Variants in TAF3 observed in about 807,000 individuals in gnomAD.
TAF3 encodes the protein TATA-box binding protein associated factor 3.
Under a neutral mutation model 80.6 loss-of-function variants are expected in TAF3, and 7 were observed. The observed-to-expected ratio is 0.09, with a 90% confidence interval of 0.05 to 0.16. TAF3 has a LOEUF of 0.16. Ranked by LOEUF, TAF3 falls within the 10% of genes least tolerant of loss-of-function variation. The pLI, the probability that TAF3 is intolerant of heterozygous loss-of-function variation, is 1.00. For synonymous variants in TAF3, 444 were observed against 446.1 expected (o/e 1.00, Z 0.06); for missense variants, 921 against 1,140.2 (o/e 0.81, Z 2.77).
At chr10:7,980,831 C>G (rs1831719232) in intron 4 of TAF3, among the ~76,000 whole-genome samples, 1 of 152,112 alleles carries the variant, frequency 6.6e-6, no homozygotes, top group Non-Finnish European at 1.5e-5. Flanking sequence ...CCATGGAGGC[C>G]AGGGCAGGTG....
At chr10:7,916,323 G>A (rs1410815604) in intron 2 of TAF3, among the ~76,000 whole-genome samples, 1 of 152,182 alleles carries the variant, frequency 6.6e-6, no homozygotes, top group African/African-American at 2.4e-5. Context: ...TTATACAAAA[G>A]TAGAATGAAT....
chr10:7,919,027 G>T (rs10905250), intron 2 of TAF3, among the ~76,000 whole-genome samples: 53,277 of 151,914 alleles, frequency 0.35, 10,461 homozygotes, highest in Admixed American at 0.48. Context: ...TAACAGGAAG[G>T]TGAAGGGAAC....
intron 4 of TAF3, among the ~76,000 whole-genome samples, chr10:7,989,048 G>A (rs902362444): frequency 2.0e-5 from 3 of 151,882 alleles, no homozygotes; most frequent in Non-Finnish European, 2.9e-5. Flanking sequence ...ACTTAGCTTT[G>A]CCCCAAGTGG....
intron 2 of TAF3, among the ~76,000 whole-genome samples, chr10:7,940,974 A>G (rs1023818585): frequency 6.6e-6 from 1 of 152,106 alleles, no homozygotes; most frequent in Admixed American, 6.5e-5. Flanking sequence ...AGAAAAAAAA[A>G]AAGAAGAAAA....
intron 2 of TAF3, among the ~76,000 whole-genome samples, chr10:7,912,338 G>A (rs956890610): frequency 2.0e-5 from 3 of 152,042 alleles, no homozygotes; most frequent in African/African-American, 4.8e-5. Context: ...GGGCTCAAGC[G>A]ATCATTCTGC....
chr10:7,861,700 C>G (rs926145236), intron 2 of TAF3, among the ~76,000 whole-genome samples: 18 of 152,070 alleles, frequency 1.2e-4, no homozygotes, highest in African/African-American at 4.1e-4. Flanking sequence ...ATCTCATGTG[C>G]TGTTTTTCTG....
chr10:7,898,297 AG>A (rs1232444528), intron 2 of TAF3, among the ~76,000 whole-genome samples: 1 of 152,136 alleles, frequency 6.6e-6, no homozygotes, highest in East Asian at 1.9e-4. Flanking sequence ...TTGTAATCCC[AG>A]CACTTTGGGA....
chr10:7,940,944 G>A (rs1342915121), intron 2 of TAF3, among the ~76,000 whole-genome samples: 1 of 151,010 alleles, frequency 6.6e-6, no homozygotes, highest in Admixed American at 6.6e-5. Context: ...GGAAGACAGA[G>A]CAAGACCCTG....
At chr10:7,977,132 A>T in intron 3 of TAF3, 109 bp from the exon 4 acceptor site, 2 of 996,166 alleles carry the variant, frequency 2.0e-6, no homozygotes, top group Non-Finnish European at 3.1e-6. Context: ...AGCCATATTT[A>T]AGGCTTCAAC....
chr10:7,987,191 A>T (rs1831787106), intron 4 of TAF3, among the ~76,000 whole-genome samples: 2 of 152,222 alleles, frequency 1.3e-5, no homozygotes, highest in South Asian at 2.1e-4. Context: ...GTATGGTGGC[A>T]TGTGCCTTTA....
At chr10:7,826,087 A>T (rs1432446344) in intron 2 of TAF3, among the ~76,000 whole-genome samples, 1 of 152,186 alleles carries the variant, frequency 6.6e-6, no homozygotes, top group Non-Finnish European at 1.5e-5. Context: ...AAGTTGTTGT[A>T]CAGTCTGTGT....
chr10:7,884,964 C>T (rs762414645), intron 2 of TAF3, among the ~76,000 whole-genome samples: 3 of 151,382 alleles, frequency 2.0e-5, no homozygotes, highest in African/African-American at 4.8e-5. Context: ...CTAACCCATA[C>T]CAATATATCT....
At chr10:7,826,505 A>T (rs1483949041) in intron 2 of TAF3, among the ~76,000 whole-genome samples, 1 of 152,110 alleles carries the variant, frequency 6.6e-6, no homozygotes, top group Non-Finnish European at 1.5e-5. Context: ...ATATTACTAT[A>T]GATTTTTGGG....
chr10:7,933,818 G>C (rs1837891553), intron 2 of TAF3, among the ~76,000 whole-genome samples: 1 of 152,190 alleles, frequency 6.6e-6, no homozygotes, highest in Non-Finnish European at 1.5e-5. Flanking sequence ...TCTTAAGCCT[G>C]TTCTTTGGCT....
chr10:7,959,647 C>T (rs1295210515), intron 2 of TAF3, among the ~76,000 whole-genome samples: 1 of 152,102 alleles, frequency 6.6e-6, no homozygotes, highest in Non-Finnish European at 1.5e-5. Context: ...GTTATTTGAG[C>T]TCTAAATTCA....
At position 8,015,872 on chromosome 10, in the gene TAF3, C is replaced by A. The variant is rs1339824705; in HGVS notation, c.*1121C>A. 1 of 149,020 alleles carries A rather than the reference C, an allele frequency of 6.7e-6. No homozygotes were observed. The highest frequency in any genetic ancestry group is 2.5e-5 in the African/African-American group (1 of 40,616). The allele number at this position is 149,020 out of a possible 1,614,324, so 9.2% of individuals were successfully genotyped here. ...CCATGAAAGTAAAAAAAAAAAACAA[C>A]AAAAAACCCACATATACTGTAGCAT... is the stretch of plus-strand genomic sequence containing the variant. On this transcript the variant is annotated 3_prime_UTR_variant, in exon 7 of 7. Coordinates refer to ENST00000344293, the MANE Select transcript of TAF3 (RefSeq NM_031923.4).
chr10:7,972,830 T>C (rs987562890), intron 3 of TAF3, among the ~76,000 whole-genome samples: 4 of 152,182 alleles, frequency 2.6e-5, no homozygotes, highest in Non-Finnish European at 5.9e-5. Context: ...TTAATGTCAG[T>C]TTCCATATAA....
intron 2 of TAF3, among the ~76,000 whole-genome samples, chr10:7,928,288 A>G (rs1387648020): frequency 1.3e-5 from 2 of 152,218 alleles, no homozygotes; most frequent in South Asian, 2.1e-4. Context: ...CCTGATACCT[A>G]GTGCCACATA....
At chr10:8,002,005 G>A (rs1381356318) in intron 4 of TAF3, among the ~76,000 whole-genome samples, 2 of 152,150 alleles carry the variant, frequency 1.3e-5, no homozygotes, top group East Asian at 1.9e-4. Context: ...CCCATCCGTC[G>A]ATCCTGTGAA....
Sources: allele counts gnomAD v4.1 joint callset (sites outside exome capture counted in the v4.1 genomes callset), GRCh38; gene constraint gnomAD v4.1.1; transcripts MANE v1.5; gene names NCBI Gene and HGNC (gene_info 2026-07-23, HGNC 2026-07-21).